Variants in SECISBP2L observed in about 807,000 individuals in gnomAD.
The protein encoded by SECISBP2L is SECIS binding protein 2 like, also known as selenocysteine insertion sequence-binding protein 2-like.
In SECISBP2L, 43 loss-of-function variants were observed where a neutral mutation model predicts 114.7. The observed-to-expected ratio is 0.38, with a 90% confidence interval of 0.29 to 0.48. The LOEUF is 0.48. Among genes scored for constraint, SECISBP2L ranks in the 20% least tolerant of loss-of-function variants. SECISBP2L has a pLI of 0.98. For synonymous variants in SECISBP2L, 451 were observed against 439.7 expected (o/e 1.03, Z -0.32); for missense variants, 1,136 against 1,301.1 (o/e 0.87, Z 1.95).
At chr15:49,030,142 G>A (rs1902856478) in intron 4 of SECISBP2L, among the ~76,000 whole-genome samples, 1 of 151,694 alleles carries the variant, frequency 6.6e-6, no homozygotes, top group Admixed American at 6.6e-5. Flanking sequence ...ATACAACACT[G>A]ATACAATTTT....
chr15:49,017,781 A>T (rs1902565807), intron 8 of SECISBP2L, 153 bp from the exon 9 acceptor site: 1 of 528,262 alleles, frequency 1.9e-6, no homozygotes, highest in African/African-American at 2.0e-5. Context: ...GTCATTTCTC[A>T]CATGCTAAAA....
chr15:49,026,730 T>G (rs562143335), intron 7 of SECISBP2L, among the ~76,000 whole-genome samples: 1 of 152,320 alleles, frequency 6.6e-6, no homozygotes, highest in African/African-American at 2.4e-5. Context: ...TAGTTTTAAT[T>G]CCTTAAATAG....
chr15:49,041,702 A>C (rs1903134926), intron 1 of SECISBP2L, among the ~76,000 whole-genome samples: 1 of 152,222 alleles, frequency 6.6e-6, no homozygotes, highest in Non-Finnish European at 1.5e-5. Context: ...ACACTCTCCC[A>C]CAGTGAAACT....
rs757120546 is a variant in SECISBP2L, at chr15:49,012,821, A to C, written c.1562-4T>G. The C allele has an allele frequency of 4.4e-6, 7 of 1,601,988 alleles. No individual in the cohort carries two copies. Among genetic ancestry groups the C allele is most frequent in the Non-Finnish European group, 5.9e-6 (7 of 1,177,148 alleles). On this transcript the variant is annotated splice_polypyrimidine_tract_variant and splice_region_variant and intron_variant, in intron 11 of 17. Transcript: ENST00000559471. ...TGAAAAGAAGCTGCAGTAACCACTA[A>C]AAACAAAGAGGAACATTAGTTTCAC... is the stretch of plus-strand genomic sequence containing the variant.
intron 13 of SECISBP2L, among the ~76,000 whole-genome samples, chr15:49,010,153 A>ACACACACACACACACACACACC (rs1190593953): frequency 6.8e-6 from 1 of 147,382 alleles, no homozygotes; most frequent in Non-Finnish European, 1.5e-5. Context: ...ACACACACAC[A>ACACACACACACACACACACACC]CCCCTCTTGC....
Position 49,019,403 on chromosome 15 carries a change from G to A in SECISBP2L, c.1170+15C>T. 1 of 1,414,198 alleles carries A rather than the reference G, an allele frequency of 7.1e-7. No individual in the cohort carries two copies. Among genetic ancestry groups the A allele is most frequent in the South Asian group, 1.6e-5 (1 of 62,928 alleles). 87.6% of individuals were successfully genotyped at this position (1,414,198 alleles called of 1,614,324 possible). A position where few individuals can be genotyped will look rare whatever the true frequency, so the allele number is the denominator to read the frequency against. ...TTTCCTATAACAGCTTACAAATAGA[G>A]TTTGAAAAAAATACCTCAAAATATA... On this transcript the variant is annotated intron_variant, in intron 8 of 17. Coordinates refer to ENST00000559471, the MANE Select transcript of SECISBP2L (RefSeq NM_001193489.2).
At chr15:49,046,224 G>A in intron 1 of SECISBP2L, 52 bp downstream of exon 1, 5 of 1,561,752 alleles carry the variant, frequency 3.2e-6, no homozygotes, top group Non-Finnish European at 3.5e-6. Context: ...GGCCTGTGAG[G>A]AAGCGGCGAC....
chr15:48,998,121 GTTTAA>G (rs1272178252), intron 16 of SECISBP2L, among the ~76,000 whole-genome samples: 4 of 152,156 alleles, frequency 2.6e-5, no homozygotes, highest in African/African-American at 9.7e-5. Context: ...TTGAGAATCT[GTTTAA>G]TTTTATAGTA....
chr15:48,994,835 T>G (rs1442447644), intron 17 of SECISBP2L, among the ~76,000 whole-genome samples: 3 of 79,466 alleles, frequency 3.8e-5, no homozygotes, highest in Admixed American at 1.3e-4. Context: ...ATATAGTAAG[T>G]GCTGGGGAAA....
rs1201619610 is a variant in SECISBP2L, at chr15:48,996,497, C to G, written c.2493G>C (p.Glu831Asp). ...MVAAMEQEQAEEALKNVKKVP... is the reference protein window; with the variant it reads ...MVAAMEQEQADEALKNVKKVP... ...CCTTCTTCACATTCTTTAAGGCTTC[C>G]TCAGCCTGCTCCTGTTCCATTGCTG... Residue 831 changes from glutamate (E) to aspartate (D), a missense_variant, in exon 17 of 18, where the codon GAG (glutamate) becomes GAC (aspartate). Transcript: ENST00000559471. 4.3e-6 allele frequency: 7 copies of G among 1,613,992 alleles called. No homozygotes were observed. The South Asian group carries it at 7.7e-5, about 18-fold the overall frequency.
In SECISBP2L at chr15:48,991,783, T is replaced by C. The variant is rs1901982239; in HGVS notation, c.*461A>G. ...AACATACAACACTGGTGGACTTAGT[T>C]ACCCTCAGCCTTTCATTTAATTTTC... On this transcript the variant is annotated 3_prime_UTR_variant, in exon 18 of 18. Coordinates refer to ENST00000559471, the MANE Select transcript of SECISBP2L (RefSeq NM_001193489.2). 6.5e-6 allele frequency: 1 copy of C among 153,990 alleles called. No individual in the cohort carries two copies. 9.5% of individuals were successfully genotyped at this position (153,990 alleles called of 1,614,324 possible).
Position 49,035,385 on chromosome 15 carries a change from T to C in SECISBP2L, c.477A>G (p.Pro159=). 1 of 1,614,154 alleles carries C rather than the reference T, an allele frequency of 6.2e-7. No homozygotes were observed. Among genetic ancestry groups the C allele is most frequent in the Non-Finnish European group, 8.5e-7 (1 of 1,180,020 alleles). The part of the protein sequence containing the change: ...ERPSQLGQVF[P]LSSHRSRNSN... The stretch of plus-strand genomic sequence containing the variant: ...TGTTTCTGCTTCGATGGCTGGACAA[T>C]GGGAAGACCTGTCCAAGCTGACTTG... The change falls in exon 3 of 18, where the codon CCA becomes CCG. Residue 159 remains proline, a synonymous_variant. Transcript: ENST00000559471.
intron 2 of SECISBP2L, among the ~76,000 whole-genome samples, chr15:49,037,044 G>A (rs936437014): frequency 5.3e-5 from 8 of 152,132 alleles, no homozygotes; most frequent in South Asian, 2.1e-4. Context: ...TGGCTATCAC[G>A]ACTATCATAA....
intron 9 of SECISBP2L, among the ~76,000 whole-genome samples, chr15:49,017,311 T>C (rs1024040533): frequency 2.0e-5 from 3 of 152,198 alleles, no homozygotes; most frequent in Non-Finnish European, 2.9e-5. Context: ...AGACTGTATG[T>C]TGTATGATGA....
chr15:49,000,815 T>C (rs1902188460), intron 15 of SECISBP2L, 62 bp downstream of exon 15: 1 of 1,341,822 alleles, frequency 7.5e-7, no homozygotes, highest in Non-Finnish European at 1.0e-6. Flanking sequence ...GCTTCTACTT[T>C]ATATTCACTG....
chr15:49,026,128 AAGAT>A (rs1268878358), intron 7 of SECISBP2L, among the ~76,000 whole-genome samples: 1 of 152,216 alleles, frequency 6.6e-6, no homozygotes, highest in African/African-American at 2.4e-5. Flanking sequence ...AAGGCACAGA[AAGAT>A]AAATAACACA....
intron 1 of SECISBP2L, 77 bp downstream of exon 1, chr15:49,046,199 C>A: frequency 6.6e-7 from 1 of 1,514,434 alleles, no homozygotes; most frequent in Admixed American, 2.0e-5. Flanking sequence ...TCCCCACGTT[C>A]GGAGAACTGG....
intron 14 of SECISBP2L, among the ~76,000 whole-genome samples, chr15:49,001,462 T>C (rs542512270): frequency 1.3e-5 from 2 of 151,234 alleles, no homozygotes; most frequent in South Asian, 4.2e-4. Flanking sequence ...TCGTATTCTT[T>C]TTTTTTTTTT....
intron 7 of SECISBP2L, among the ~76,000 whole-genome samples, chr15:49,024,613 C>A (rs16961982): frequency 1.3e-5 from 2 of 151,474 alleles, no homozygotes; most frequent in African/African-American, 4.9e-5. Flanking sequence ...TACCATGGAT[C>A]AAAATAAATC....
Sources: gnomAD v4.1 joint callset for allele counts (sites outside exome capture counted in the v4.1 genomes callset) on GRCh38, gnomAD v4.1.1 for gene constraint, MANE v1.5 for transcripts, NCBI Gene and HGNC (gene_info 2026-07-23, HGNC 2026-07-21) for gene names.